The following PACRG variants were observed in gnomAD, a reference collection of about 807,000 sequenced individuals.
The protein encoded by PACRG is parkin coregulated.
In PACRG, 29 loss-of-function variants were observed where a neutral mutation model predicts 29.7. That is an observed-to-expected ratio of 0.98 (90% CI 0.73 to 1.33). The LOEUF (loss-of-function observed/expected upper bound fraction) is 1.33. Among genes scored for constraint, PACRG ranks in the 40% most tolerant of loss-of-function variants. PACRG has a pLI of 0.00. For missense variants in PACRG, 279 were observed against 316.2 expected, an observed-to-expected ratio of 0.88 and a Z score of 0.89; for synonymous variants, 116 against 118.7, an observed-to-expected ratio of 0.98 and a Z score of 0.15.
At chr6:162,852,568 A>G (rs1269295934) in intron 2 of PACRG, among the ~76,000 whole-genome samples, 1 of 152,264 alleles carries the variant, frequency 6.6e-6, no homozygotes, top group African/African-American at 2.4e-5. Flanking sequence ...ATTTTTAAGC[A>G]TAAAAGTAAC....
intron 2 of PACRG, among the ~76,000 whole-genome samples, chr6:162,841,902 G>C (rs201381774): frequency 0.062 from 9,331 of 150,832 alleles, 281 homozygotes; most frequent in East Asian, 0.24. Context: ...GTAGTTGAGC[G>C]GTTTTGAGTG....
intron 2 of PACRG, among the ~76,000 whole-genome samples, chr6:163,006,565 T>C (rs962847005): frequency 3.3e-5 from 5 of 151,914 alleles, no homozygotes; most frequent in Admixed American, 1.3e-4. Flanking sequence ...TAGTTATAGA[T>C]TTTTTAATTC....
At chr6:163,279,173 T>C (rs1234882288) in intron 4 of PACRG, among the ~76,000 whole-genome samples, 1 of 152,340 alleles carries the variant, frequency 6.6e-6, no homozygotes, top group East Asian at 1.9e-4. Context: ...TACTGATTTG[T>C]GTACATTAAT....
intron 3 of PACRG, among the ~76,000 whole-genome samples, chr6:163,070,771 T>TAA (rs201411698): frequency 1.4e-5 from 2 of 142,060 alleles, no homozygotes; most frequent in East Asian, 4.0e-4. Context: ...TGAATTGATT[T>TAA]AAAAAAAAAA....
At chr6:163,223,374 A>G (rs1259222158) in intron 4 of PACRG, among the ~76,000 whole-genome samples, 1 of 152,210 alleles carries the variant, frequency 6.6e-6, no homozygotes, top group African/African-American at 2.4e-5. Context: ...AGCCTGGGCA[A>G]AAAGAGTGAA....
At chr6:163,217,686 G>T (rs1016483293) in intron 4 of PACRG, among the ~76,000 whole-genome samples, 1 of 152,054 alleles carries the variant, frequency 6.6e-6, no homozygotes, top group Non-Finnish European at 1.5e-5. Flanking sequence ...CCTGAGCTCC[G>T]CCTCCTGTCA....
At chr6:163,306,473 C>A (rs1785201436) in intron 4 of PACRG, among the ~76,000 whole-genome samples, 1 of 152,128 alleles carries the variant, frequency 6.6e-6, no homozygotes, top group Non-Finnish European at 1.5e-5. Flanking sequence ...TCAGAGAAGA[C>A]CTTAGCTTGC....
intron 2 of PACRG, among the ~76,000 whole-genome samples, chr6:162,929,923 G>C (rs1255670543): frequency 2.0e-5 from 3 of 151,822 alleles, no homozygotes; most frequent in African/African-American, 4.8e-5. Context: ...TCTCTATTCT[G>C]TTTCATTGGT....
chr6:163,001,556 C>G (rs1265044053), intron 2 of PACRG, among the ~76,000 whole-genome samples: 1 of 152,154 alleles, frequency 6.6e-6, no homozygotes, highest in South Asian at 2.1e-4. Flanking sequence ...CTGTGGGTAA[C>G]TTCTGATATG....
At chr6:162,785,395 A>T (rs997590438) in intron 1 of PACRG, among the ~76,000 whole-genome samples, 3 of 152,202 alleles carry the variant, frequency 2.0e-5, no homozygotes, top group African/African-American at 7.2e-5. Context: ...TTAATTTCCT[A>T]TACAAACCCT....
chr6:162,978,727 A>C (rs1381499481), intron 2 of PACRG, among the ~76,000 whole-genome samples: 2 of 152,230 alleles, frequency 1.3e-5, no homozygotes, highest in Non-Finnish European at 2.9e-5. Flanking sequence ...GAGTTGAAGG[A>C]AAATAGTGAT....
chr6:162,763,164 G>T (rs556607394), intron 1 of PACRG, among the ~76,000 whole-genome samples: 2 of 152,322 alleles, frequency 1.3e-5, no homozygotes, highest in Non-Finnish European at 2.9e-5. Flanking sequence ...TGTGACAGGA[G>T]AGTATAGCTC....
At chr6:162,856,711 T>C (rs371018498) in intron 2 of PACRG, among the ~76,000 whole-genome samples, 2 of 152,348 alleles carry the variant, frequency 1.3e-5, no homozygotes, top group African/African-American at 4.8e-5. Context: ...TTGATTTTGC[T>C]TCATAAGTCA....
intron 2 of PACRG, among the ~76,000 whole-genome samples, chr6:162,943,934 C>T (rs914798359): frequency 2.6e-5 from 4 of 152,148 alleles, no homozygotes; most frequent in South Asian, 2.1e-4. Flanking sequence ...TCACACCACA[C>T]CTGCCATCCA....
At chr6:162,870,770 A>C (rs1215619904) in intron 2 of PACRG, among the ~76,000 whole-genome samples, 2 of 152,200 alleles carry the variant, frequency 1.3e-5, no homozygotes, top group Non-Finnish European at 2.9e-5. Flanking sequence ...ATGGGGTAGA[A>C]ATTTCTGATA....
intron 4 of PACRG, among the ~76,000 whole-genome samples, chr6:163,131,049 T>C (rs1816713433): frequency 6.6e-6 from 1 of 152,182 alleles, no homozygotes; most frequent in African/African-American, 2.4e-5. Context: ...GGCTCAAGCC[T>C]GTAATCCCAG....
intron 4 of PACRG, among the ~76,000 whole-genome samples, chr6:163,227,730 C>A (rs1781861493): frequency 6.6e-6 from 1 of 152,130 alleles, no homozygotes; most frequent in Admixed American, 6.6e-5. Context: ...TACACGTTTG[C>A]AAGACTGGAC....
intron 4 of PACRG, among the ~76,000 whole-genome samples, chr6:163,229,177 T>C (rs1470435652): frequency 3.3e-5 from 5 of 152,098 alleles, no homozygotes; most frequent in African/African-American, 1.2e-4. Context: ...CTAGTCAACA[T>C]AGTGAGACCC....
At chr6:163,101,141 A>G in intron 4 of PACRG, 1 of 983,988 alleles carries the variant, frequency 1.0e-6, no homozygotes, top group African/African-American at 1.7e-5. Flanking sequence ...ACCAATTACA[A>G]CTCTGCCTCT....
Sources: gnomAD v4.1 joint callset for allele counts (sites outside exome capture counted in the v4.1 genomes callset) on GRCh38, gnomAD v4.1.1 for gene constraint, MANE v1.5 for transcripts, NCBI Gene and HGNC (gene_info 2026-07-23, HGNC 2026-07-21) for gene names.